The following NBAS variants were observed in gnomAD, a reference collection of about 807,000 sequenced individuals.
NBAS encodes NBAS subunit of NRZ tethering complex, also known as NAG/BC035112 fusion.
In NBAS, 219 loss-of-function variants were observed where a neutral mutation model predicts 302.5. That is an observed-to-expected ratio of 0.72 (90% CI 0.65 to 0.81). The LOEUF (loss-of-function observed/expected upper bound fraction) is 0.81. NBAS is among the 30% of genes least tolerant of loss of function. The probability of loss-of-function intolerance (pLI) is 0.00; values close to 1 mark genes in which losing one functional copy is unlikely to be tolerated. For missense variants in NBAS, 2,932 were observed against 2,841.6 expected, an observed-to-expected ratio of 1.03 and a Z score of -0.72; for synonymous variants, 1,118 against 1,021.6, an observed-to-expected ratio of 1.09 and a Z score of -1.80.
intron 6 of NBAS, among the ~76,000 whole-genome samples, chr2:15,551,116 A>G (rs907347013): frequency 6.6e-6 from 1 of 152,238 alleles, no homozygotes; most frequent in Non-Finnish European, 1.5e-5. Context: ...CGTAAATTAC[A>G]GTCAGTAAAT....
At position 15,473,289 on chromosome 2, in the gene NBAS, G is replaced by GGTA. The variant is rs1680037049; in HGVS notation, c.1657_1658insTAC (p.Thr553delinsIlePro). ...CCACTGCCTCTGATATACAAGGTCA[G>GGTA]TATCCAGGCCGTAGGTATGAGCCAA... On this transcript the variant is annotated protein_altering_variant, in exon 16 of 52. Coordinates refer to ENST00000281513, the MANE Select transcript of NBAS (RefSeq NM_015909.4). 6.2e-7 allele frequency: 1 copy of GGTA among 1,614,062 alleles called. No homozygotes were observed. Among genetic ancestry groups the GGTA allele is most frequent in the Non-Finnish European group, 8.5e-7 (1 of 1,179,960 alleles).
chr2:15,284,129 A>AAAC (rs771632405), intron 42 of NBAS, among the ~76,000 whole-genome samples: 5 of 152,092 alleles, frequency 3.3e-5, no homozygotes, highest in Admixed American at 6.5e-5. Flanking sequence ...CAAGACATTA[A>AAAC]AACAACAACA....
downstream of NBAS, among the ~76,000 whole-genome samples, chr2:15,165,870 A>G (rs1664006355): frequency 6.6e-6 from 1 of 152,202 alleles, no homozygotes; most frequent in Non-Finnish European, 1.5e-5. Flanking sequence ...ATCTACCTAG[A>G]CTAAACCTTC....
chr2:15,167,081 A>G lies in NBAS; in HGVS notation c.7083T>C (p.Ser2361=). The G allele has an allele frequency of 6.2e-7, 1 of 1,609,206 alleles. No individual in the cohort carries two copies. Among genetic ancestry groups the G allele is most frequent in the Non-Finnish European group, 8.5e-7 (1 of 1,177,060 alleles). ...RGTHQAFRTF[S]TALRAAQHWV ...AGTGCTGTGCTGCGCGGAGGGCTGT[A>G]CTGAAGGTTCTGAAGGCCTGGTGAG... Residue 2361 remains serine, a synonymous_variant, in exon 52 of 52, where the codon AGT becomes AGC. Coordinates refer to ENST00000281513, the MANE Select transcript of NBAS (RefSeq NM_015909.4).
At position 15,520,929 on chromosome 2, in the gene NBAS, T is replaced by G. The variant is rs76531388; in HGVS notation, c.747-9579A>C. Among the ~76,000 whole-genome samples, 1,143 of 152,316 alleles carry G rather than the reference T, an allele frequency of 7.5e-3. 18 individuals are homozygous for G. Among genetic ancestry groups the G allele is most frequent in the East Asian group, 0.056 (292 of 5,180 alleles). ...AGCTTAGGTTTCTCTACATACACAATAGCAGTTATGAAACCATCTCATGTT... is the reference window on the plus strand; with the variant it reads ...AGCTTAGGTTTCTCTACATACACAAGAGCAGTTATGAAACCATCTCATGTT... On this transcript the variant is annotated intron_variant, in intron 9 of 51. Coordinates refer to ENST00000281513, the MANE Select transcript of NBAS (RefSeq NM_015909.4).
In NBAS at chr2:15,330,555, T is replaced by G. The variant is rs367712394; in HGVS notation, c.4347+43A>C. ...CTGAAACATTGCTAATGAATTTATA[T>G]AAACCATGCAGTTGATTTTAAAAAG... On this transcript the variant is annotated intron_variant, in intron 36 of 51. Transcript: ENST00000281513. 96 of 1,610,302 alleles carry G rather than the reference T, an allele frequency of 6.0e-5. No homozygotes were observed. In the South Asian group the frequency reaches 9.5e-4, roughly 16 times the overall value.
At chr2:14,819,132 T>C in the NBAS span, among the ~76,000 whole-genome samples, 1 of 152,238 alleles carries the variant, frequency 6.6e-6, no homozygotes, top group East Asian at 1.9e-4. Context: ...CTAGACCTTG[T>C]GCTCCTTGAT....
intron 2 of NBAS, 51 bp from the exon 3 acceptor site, chr2:15,556,870 C>A (rs1383574494): frequency 1.4e-6 from 2 of 1,417,768 alleles, no homozygotes; most frequent in South Asian, 1.2e-5. Context: ...TGTTAAGAAT[C>A]ATTTTCAAAT....
chr2:15,499,891 G>A (rs114230374), intron 11 of NBAS, among the ~76,000 whole-genome samples: 1 of 152,170 alleles, frequency 6.6e-6, no homozygotes, highest in Non-Finnish European at 1.5e-5. Flanking sequence ...TGAACACAAA[G>A]AAATTGTCAT....
chr2:15,261,300 A>G (rs1156731769), intron 44 of NBAS, among the ~76,000 whole-genome samples: 3 of 152,220 alleles, frequency 2.0e-5, no homozygotes, highest in African/African-American at 7.2e-5. Flanking sequence ...TAGCACGTTA[A>G]GTGCTGTTTA....
chr2:14,975,297 G>A, the NBAS span, among the ~76,000 whole-genome samples: 48 of 152,088 alleles, frequency 3.2e-4, 2 homozygotes. Context: ...TTAAATTGTG[G>A]GTGTTTGGCA....
chr2:15,163,699 CCTT>C (rs1558400603), downstream of NBAS, among the ~76,000 whole-genome samples: 1 of 152,088 alleles, frequency 6.6e-6, no homozygotes, highest in Non-Finnish European at 1.5e-5. Flanking sequence ...TCTGCACACA[CCTT>C]CTGGAAAATC....
the NBAS span, among the ~76,000 whole-genome samples, chr2:14,847,210 C>A: frequency 1.3e-4 from 19 of 151,560 alleles, no homozygotes; most frequent in Non-Finnish European, 2.5e-4. Context: ...AGTGAAACCC[C>A]GTCTCTACTA....
chr2:15,473,404 CTGA>C (rs1375707869), intron 15 of NBAS, 57 bp from the exon 16 acceptor site: 2 of 1,596,570 alleles, frequency 1.3e-6, no homozygotes, highest in Non-Finnish European at 1.7e-6. Flanking sequence ...CCACAGGGTC[CTGA>C]TGATGATACA....
the NBAS span, among the ~76,000 whole-genome samples, chr2:15,005,755 A>G: frequency 2.6e-5 from 4 of 152,222 alleles, no homozygotes; most frequent in Non-Finnish European, 5.9e-5. Context: ...AACACTGCAC[A>G]ACTCTCAGGA....
chr2:14,920,605 C>A, the NBAS span, among the ~76,000 whole-genome samples: 1 of 152,210 alleles, frequency 6.6e-6, no homozygotes, highest in African/African-American at 2.4e-5. Context: ...CCACCTTCAT[C>A]AATTATCTTA....
intron 6 of NBAS, among the ~76,000 whole-genome samples, chr2:15,547,079 A>G (rs1019540596): frequency 2.0e-5 from 3 of 152,236 alleles, no homozygotes; most frequent in African/African-American, 7.2e-5. Flanking sequence ...TTCATTATTC[A>G]GGTAGAAAGA....
At chr2:15,294,117 A>G (rs777211680) in intron 40 of NBAS, among the ~76,000 whole-genome samples, 39 of 152,348 alleles carry the variant, frequency 2.6e-4, no homozygotes, top group Non-Finnish European at 5.0e-4. Context: ...ACAGGAATAC[A>G]GTCTATTAGG....
chr2:15,104,121 G>A, the NBAS span, among the ~76,000 whole-genome samples: 1,213 of 152,172 alleles, frequency 8.0e-3, 17 homozygotes, highest in African/African-American at 0.027. Flanking sequence ...TGTTTTTGTG[G>A]TAGTGAATAA....
Sources: allele counts gnomAD v4.1 joint callset (sites outside exome capture counted in the v4.1 genomes callset), GRCh38; gene constraint gnomAD v4.1.1; transcripts MANE v1.5; gene names NCBI Gene and HGNC (gene_info 2026-07-23, HGNC 2026-07-21).